The following USP43 variants were observed in gnomAD, a reference collection of about 807,000 sequenced individuals.
USP43 encodes the protein ubiquitin specific peptidase 43.
USP43 carries 33 observed loss-of-function variants against 90.7 expected under a neutral mutation model. That is an observed-to-expected ratio of 0.36 (90% CI 0.28 to 0.49). The LOEUF is 0.49. Among genes scored for constraint, USP43 ranks in the 20% least tolerant of loss-of-function variants. The probability of loss-of-function intolerance (pLI) is 0.98; values close to 1 mark genes in which losing one functional copy is unlikely to be tolerated. For synonymous variants in USP43, 598 were observed against 615.8 expected (o/e 0.97, Z 0.43); for missense variants, 1,274 against 1,476.4 (o/e 0.86, Z 2.25).
chr17:9,650,557 C>T (rs994954475), intron 1 of USP43, among the ~76,000 whole-genome samples: 11 of 152,162 alleles, frequency 7.2e-5, no homozygotes, highest in African/African-American at 2.6e-4. Flanking sequence ...CATGCACCAC[C>T]ATGCCCAGCT....
At chr17:9,712,473 G>C (rs924621161) in intron 14 of USP43, among the ~76,000 whole-genome samples, 1 of 152,190 alleles carries the variant, frequency 6.6e-6, no homozygotes, top group Non-Finnish European at 1.5e-5. Flanking sequence ...GGGTGCACAG[G>C]GCCCGGGAGA....
At chr17:9,653,183 T>C (rs1911997730) in intron 1 of USP43, among the ~76,000 whole-genome samples, 1 of 152,242 alleles carries the variant, frequency 6.6e-6, no homozygotes, top group African/African-American at 2.4e-5. Context: ...TCACCTCCTT[T>C]CTGAAAAGGT....
intron 6 of USP43, among the ~76,000 whole-genome samples, chr17:9,681,462 T>TAATATATATA (rs1555550104): frequency 5.4e-5 from 1 of 18,578 alleles, no homozygotes; most frequent in African/African-American, 2.6e-4. Flanking sequence ...ATAAAATATA[T>TAATATATATA]TATATATATA....
intron 14 of USP43, among the ~76,000 whole-genome samples, chr17:9,719,679 G>A (rs1156749620): frequency 2.0e-5 from 3 of 152,158 alleles, no homozygotes; most frequent in Non-Finnish European, 4.4e-5. Context: ...GAGACTGCAA[G>A]AGCCTTGCTT....
chr17:9,677,569 C>T (rs1243098885), intron 5 of USP43, among the ~76,000 whole-genome samples: 1 of 152,172 alleles, frequency 6.6e-6, no homozygotes, highest in Non-Finnish European at 1.5e-5. Context: ...CTGGAGGGGC[C>T]CTCATGAGGA....
rs1434175812 is a variant in USP43, at chr17:9,729,600, ATAAC to A, written c.*613_*616del. The A allele has an allele frequency of 2.6e-5, 4 of 152,168 alleles. No homozygotes were observed. Among genetic ancestry groups the A allele is most frequent in the East Asian group, 3.9e-4 (2 of 5,194 alleles). The allele number at this position is 152,168 out of a possible 1,614,324, so 9.4% of individuals were successfully genotyped here. Reference sequence around the variant, plus strand: ...TAAAGTTTTTCAAGGTATTTTAAAAATAACTATTTTGATACTAGAAAAAAAGTCC... The same window carrying A: ...TAAAGTTTTTCAAGGTATTTTAAAAATATTTTGATACTAGAAAAAAAGTCC... On this transcript the variant is annotated 3_prime_UTR_variant, in exon 15 of 15. Coordinates refer to ENST00000285199, the MANE Select transcript of USP43 (RefSeq NM_153210.5).
intron 8 of USP43, among the ~76,000 whole-genome samples, chr17:9,691,108 A>ATTTTTTTTTT: frequency 7.7e-6 from 1 of 130,120 alleles, no homozygotes; most frequent in Non-Finnish European, 1.6e-5. Context: ...AATTTCCTTC[A>ATTTTTTTTTT]TTTTTTTTTT....
intron 8 of USP43, among the ~76,000 whole-genome samples, chr17:9,688,058 T>G (rs1914694564): frequency 6.6e-6 from 1 of 152,154 alleles, no homozygotes; most frequent in Non-Finnish European, 1.5e-5. Flanking sequence ...TGATCTCGGC[T>G]CACTGCAAGC....
chr17:9,652,322 T>C (rs1463353259), intron 1 of USP43, among the ~76,000 whole-genome samples: 2 of 151,870 alleles, frequency 1.3e-5, no homozygotes, highest in Non-Finnish European at 2.9e-5. Context: ...GGGAACTGCT[T>C]TGTGCAGTTC....
chr17:9,692,716 A>T (rs1236127300), intron 8 of USP43, among the ~76,000 whole-genome samples: 1 of 152,252 alleles, frequency 6.6e-6, no homozygotes, highest in Non-Finnish European at 1.5e-5. Flanking sequence ...TGTAAAATAT[A>T]CATGAACTGG....
chr17:9,659,699 G>A (rs1256880534), intron 2 of USP43, among the ~76,000 whole-genome samples: 1 of 152,106 alleles, frequency 6.6e-6, no homozygotes, highest in Non-Finnish European at 1.5e-5. Flanking sequence ...AGCAGGAAAA[G>A]GCATTGATTG....
chr17:9,663,205 G>A (rs1293193914), intron 2 of USP43, among the ~76,000 whole-genome samples: 2 of 151,922 alleles, frequency 1.3e-5, no homozygotes, highest in African/African-American at 4.8e-5. Flanking sequence ...TTATAGTTGA[G>A]AAATCATGGA....
rs1382950094 is a variant in USP43, at chr17:9,701,474, G to A, written c.1785G>A (p.Val595=). Reference sequence around the variant, plus strand: ...TCCACCTCAAAAGGTTCTGCCAGGTGGGCGAGAGAAGAAACAAGCTCTCCA... The same window carrying A: ...TCCACCTCAAAAGGTTCTGCCAGGTAGGCGAGAGAAGAAACAAGCTCTCCA... ...LIIHLKRFCQ[V]GERRNKLSTL... is the part of the protein sequence containing the mutation. Residue 595 remains valine (V), a synonymous_variant, in exon 12 of 15, where the codon GTG becomes GTA. Transcript: ENST00000285199. The surrounding 1 kb of genome is among the most constrained non-coding windows in gnomAD (Gnocchi z 7.2). 1.3e-6 allele frequency: 2 copies of A among 1,583,148 alleles called. No homozygotes were observed. Among genetic ancestry groups the A allele is most frequent in the Admixed American group, 1.8e-5 (1 of 54,872 alleles).
At chr17:9,723,772 C>T (rs1163985402) in intron 14 of USP43, among the ~76,000 whole-genome samples, 1 of 151,234 alleles carries the variant, frequency 6.6e-6, no homozygotes, top group Non-Finnish European at 1.5e-5. Context: ...TTAGTAGAGA[C>T]GGGGTTTTGT....
rs370671407 is a variant in USP43, at chr17:9,728,226, G to T, written c.2608G>T (p.Val870Phe). 6.2e-7 allele frequency: 1 copy of T among 1,613,918 alleles called. No homozygotes were observed. The highest frequency in any genetic ancestry group is 8.5e-7 in the Non-Finnish European group (1 of 1,179,880). ...DEKSASPRSN[V>F]ALPANSEDGG... ...GAAGTCAGCATCGCCGAGGTCCAAC[G>T]TCGCCCTTCCTGCTAACAGCGAAGA... The change falls in exon 15 of 15, where the codon GTC becomes TTC. Residue 870 changes from valine (V) to phenylalanine (F), a missense_variant. Val to Phe is a conservative substitution (Grantham distance 50). Transcript: ENST00000285199. This position sits in a 1 kb window ranked among gnomAD's most constrained non-coding sequence, Gnocchi z 6.2.
Position 9,709,004 on chromosome 17 carries a change from G to A in USP43, c.2012-952G>A, listed in dbSNP as rs541917588. Among the ~76,000 whole-genome samples the A allele has an allele frequency of 7.9e-5, 12 of 152,210 alleles. No individual in the cohort carries two copies. The highest frequency in any genetic ancestry group is 2.6e-4 in the African/African-American group (11 of 41,524). Reference sequence around the variant, plus strand: ...AATTTTAAAAGTGGGAGAAAGACACGCAGAATATGCGACAGAGAATATATG... The same window carrying A: ...AATTTTAAAAGTGGGAGAAAGACACACAGAATATGCGACAGAGAATATATG... On this transcript the variant is annotated intron_variant, in intron 12 of 14. Transcript: ENST00000285199. The surrounding 1 kb of genome is among the most constrained non-coding windows in gnomAD (Gnocchi z 5.0).
chr17:9,645,647 C>A lies in USP43; in HGVS notation c.15C>A (p.Pro5=). The change falls in exon 1 of 15, where the codon CCC becomes CCA. Residue 5 remains proline (P), a synonymous_variant. Transcript: ENST00000285199. This position sits in a 1 kb window ranked among gnomAD's most constrained non-coding sequence, Gnocchi z 6.8. MDLG[P]GDAAGGGPLA... is the part of the protein sequence containing the mutation. Reference sequence around the variant, plus strand: ...CGGCGGCAGCCATGGACCTGGGCCCCGGGGACGCGGCAGGAGGGGGACCGC... The same window carrying A: ...CGGCGGCAGCCATGGACCTGGGCCCAGGGGACGCGGCAGGAGGGGGACCGC... The A allele has an allele frequency of 1.6e-6, 2 of 1,231,488 alleles. No homozygotes were observed. Among genetic ancestry groups the A allele is most frequent in the South Asian group, 6.8e-5 (2 of 29,408 alleles). 76.3% of individuals were successfully genotyped at this position (1,231,488 alleles called of 1,614,324 possible). A position where few individuals can be genotyped will look rare whatever the true frequency, so the allele number is the denominator to read the frequency against.
intron 2 of USP43, among the ~76,000 whole-genome samples, chr17:9,661,128 T>G (rs2151965763): frequency 1.3e-5 from 2 of 152,330 alleles, no homozygotes; most frequent in South Asian, 4.1e-4. Context: ...TCTGTTAATT[T>G]ACTGATCCTC....
chr17:9,714,357 G>A (rs1916367910), intron 14 of USP43, among the ~76,000 whole-genome samples: 3 of 152,104 alleles, frequency 2.0e-5, no homozygotes, highest in Non-Finnish European at 4.4e-5. Flanking sequence ...AACAGTGCTG[G>A]CTGAGCTCCC....
Sources: allele counts gnomAD v4.1 joint callset (sites outside exome capture counted in the v4.1 genomes callset), GRCh38; gene constraint gnomAD v4.1.1; non-coding constraint Gnocchi (gnomAD v3.1); transcripts MANE v1.5; gene names NCBI Gene and HGNC (gene_info 2026-07-23, HGNC 2026-07-21).